LARP1B: variants seen among roughly 807,000 people sequenced by gnomAD.
The protein encoded by LARP1B is la-related protein 1B.
A neutral mutation model predicts 114.2 loss-of-function variants in LARP1B; 76 were observed. The observed-to-expected ratio is 0.67, with a 90% CI of 0.55 to 0.81. The LOEUF (loss-of-function observed/expected upper bound fraction) is 0.81. Among genes scored for constraint, LARP1B ranks in the 30% least tolerant of loss-of-function variants. LARP1B has a pLI of 0.00. For synonymous variants in LARP1B, 345 were observed against 348.0 expected (o/e 0.99, Z 0.10); for missense variants, 1,014 against 1,075.8 (o/e 0.94, Z 0.80).
intron 11 of LARP1B, among the ~76,000 whole-genome samples, chr4:128,149,443 T>C (rs1044103433): frequency 2.6e-5 from 4 of 152,138 alleles, no homozygotes; most frequent in Non-Finnish European, 5.9e-5. Flanking sequence ...CCACTTATAG[T>C]AATCCAAGGG....
chr4:128,100,962 C>CAT lies in LARP1B; in HGVS notation c.813+2632_813+2633insAT, dbSNP rs1326684456. On this transcript the variant is annotated intron_variant, in intron 8 of 19. Coordinates refer to ENST00000326639, the MANE Select transcript of LARP1B (RefSeq NM_018078.4). ...CCTCCCGAGTAGCTGGGATTACAGG[C>CAT]GCCTGCCACCATGCCTGGCTAATTT... 6.0e-5 allele frequency among the ~76,000 whole-genome samples: 9 copies of CAT among 150,736 alleles called. No individual in the cohort carries two copies. The East Asian group carries it at 1.8e-3, about 30-fold the overall frequency.
At chr4:128,221,600 C>T (rs1578861054) in intron 7 of LARP1B, among the ~76,000 whole-genome samples, 2 of 152,214 alleles carry the variant, frequency 1.3e-5, no homozygotes, top group Non-Finnish European at 2.9e-5. Flanking sequence ...AAATTGAGTA[C>T]CTTTCTCCAT....
At chr4:128,089,358 C>G (rs1187539568) in intron 5 of LARP1B, among the ~76,000 whole-genome samples, 1 of 152,154 alleles carries the variant, frequency 6.6e-6, no homozygotes, top group Non-Finnish European at 1.5e-5. Flanking sequence ...TTTTTTGAGA[C>G]AGAATCTCAC....
At chr4:128,155,832 G>C (rs1735332573) in intron 11 of LARP1B, 3 of 1,579,314 alleles carry the variant, frequency 1.9e-6, no homozygotes, top group Admixed American at 1.7e-5. Flanking sequence ...CAGGGCTGCA[G>C]CGAGAGATCG....
In LARP1B at chr4:128,122,090, A is replaced by C; in HGVS notation, c.1426A>C (p.Ile476Leu). 6.2e-7 allele frequency: 1 copy of C among 1,614,158 alleles called. No individual in the cohort carries two copies. Among genetic ancestry groups the C allele is most frequent in the Non-Finnish European group, 8.5e-7 (1 of 1,180,006 alleles). Residue 476 changes from isoleucine (I) to leucine (L), a missense_variant, in exon 11 of 20, where the codon ATC (isoleucine) becomes CTC (leucine). Ile to Leu is a conservative substitution (Grantham distance 5). Coordinates refer to ENST00000326639, the MANE Select transcript of LARP1B (RefSeq NM_018078.4). ...AGGCACCCACATGTCTCGGGCAAAAATCACATCTGAACTTGCTAAAGTTAT... is the reference window on the plus strand; with the variant it reads ...AGGCACCCACATGTCTCGGGCAAAACTCACATCTGAACTTGCTAAAGTTAT... ...RTGTHMSRAK[I>L]TSELAKVIND...
chr4:128,186,307 A>G (rs767877453), intron 15 of LARP1B, among the ~76,000 whole-genome samples: 1 of 152,128 alleles, frequency 6.6e-6, no homozygotes, highest in African/African-American at 2.4e-5. Flanking sequence ...AGCATGTGCT[A>G]TCATTCCCTT....
intron 11 of LARP1B, among the ~76,000 whole-genome samples, chr4:128,148,703 C>T (rs911407946): frequency 3.9e-5 from 6 of 151,994 alleles, no homozygotes; most frequent in Admixed American, 2.0e-4. Flanking sequence ...GGTCTTGGCT[C>T]ATTGCAACCT....
Position 128,122,045 on chromosome 4 carries a change from C to T in LARP1B, c.1381C>T (p.His461Tyr), listed in dbSNP as rs1201135135. The T allele has an allele frequency of 1.2e-6, 2 of 1,613,924 alleles. No individual in the cohort carries two copies. The highest frequency in any genetic ancestry group is 1.7e-6 in the Non-Finnish European group (2 of 1,179,936). The change falls in exon 11 of 20, where the codon CAT becomes TAT. Residue 461 changes from histidine (H) to tyrosine (Y), a missense_variant. Coordinates refer to ENST00000326639, the MANE Select transcript of LARP1B (RefSeq NM_018078.4). ...TCAGACACCACCTTATGTGAAAAAACATCCTGGAGGAGATCGAACAGGCAC... is the reference window on the plus strand; with the variant it reads ...TCAGACACCACCTTATGTGAAAAAATATCCTGGAGGAGATCGAACAGGCAC... ...VTQTPPYVKK[H>Y]PGGDRTGTHM...
chr4:128,198,553 A>G (rs1754998044), intron 15 of LARP1B, among the ~76,000 whole-genome samples: 2 of 152,252 alleles, frequency 1.3e-5, no homozygotes, highest in African/African-American at 4.8e-5. Context: ...CACTGCCTCA[A>G]TTCACATCAG....
chr4:128,149,116 AT>A, intron 11 of LARP1B, among the ~76,000 whole-genome samples: 1 of 152,182 alleles, frequency 6.6e-6, no homozygotes, highest in Non-Finnish European at 1.5e-5. Context: ...TTAGGATTTG[AT>A]TACATCAATG....
Position 128,175,736 on chromosome 4 carries a change from C to T in LARP1B, c.1649-1136C>T, listed in dbSNP as rs1296090053. Among the ~76,000 whole-genome samples the T allele has an allele frequency of 5.3e-5, 8 of 152,134 alleles. No individual in the cohort carries two copies. In the South Asian group the frequency reaches 8.3e-4, roughly 16 times the overall value. Reference sequence around the variant, plus strand: ...ATTCAATGTGTTTATTAATCCATTTCGGTCGTTGTTTTCAGTGGTCAAATT... The same window carrying T: ...ATTCAATGTGTTTATTAATCCATTTTGGTCGTTGTTTTCAGTGGTCAAATT... On this transcript the variant is annotated intron_variant, in intron 12 of 19. Transcript: ENST00000326639.
chr4:128,163,288 C>T (rs375589855), intron 12 of LARP1B, among the ~76,000 whole-genome samples: 4 of 152,018 alleles, frequency 2.6e-5, no homozygotes, highest in East Asian at 3.8e-4. Context: ...TTCATTTAAC[C>T]TGTTTTCTAG....
chr4:128,206,793 G>C, intron 18 of LARP1B: 2 of 985,386 alleles, frequency 2.0e-6, no homozygotes, highest in Non-Finnish European at 2.4e-6. Flanking sequence ...GACAAACGTG[G>C]CTACTCACTG....
rs530274694 is a variant in LARP1B at position 128,097,305 on chromosome 4, G to T, written c.669-881G>T. ...CCTGTGTGTTCACTAAGTTTTTTTT[G>T]TTTTGTTTTGTTTTTTTTTGAGATG... is the stretch of plus-strand genomic sequence containing the variant. On this transcript the variant is annotated intron_variant, in intron 7 of 19. Coordinates refer to ENST00000326639, the MANE Select transcript of LARP1B (RefSeq NM_018078.4). Among the ~76,000 whole-genome samples the T allele has an allele frequency of 6.1e-4, 92 of 151,790 alleles. 1 individual carries two copies. The South Asian group carries it at 0.016, about 27-fold the overall frequency.
In LARP1B at chr4:128,082,154, T is replaced by C; in HGVS notation, c.218-11T>C. On this transcript the variant is annotated splice_polypyrimidine_tract_variant and intron_variant, in intron 4 of 19. Transcript: ENST00000326639. Reference sequence around the variant, plus strand: ...GTACATTTGTCCTTAAATGATTTTGTTTTCTTCAAGCTAATAAGCACAAGT... The same window carrying C: ...GTACATTTGTCCTTAAATGATTTTGCTTTCTTCAAGCTAATAAGCACAAGT... 1 of 1,606,602 alleles carries C rather than the reference T, an allele frequency of 6.2e-7. No individual in the cohort carries two copies. Among genetic ancestry groups the C allele is most frequent in the Non-Finnish European group, 8.5e-7 (1 of 1,178,214 alleles).
rs1408199654 is a variant in LARP1B, at chr4:128,179,387, T to C, written c.1897-19T>C. The C allele has an allele frequency of 9.2e-6, 14 of 1,524,252 alleles. No homozygotes were observed. The highest frequency in any genetic ancestry group is 1.3e-5 in the Non-Finnish European group (14 of 1,113,822). 94.4% of individuals were successfully genotyped at this position (1,524,252 alleles called of 1,614,324 possible). A position where few individuals can be genotyped will look rare whatever the true frequency, so the allele number is the denominator to read the frequency against. On this transcript the variant is annotated intron_variant, in intron 14 of 19. Coordinates refer to ENST00000326639, the MANE Select transcript of LARP1B (RefSeq NM_018078.4). Reference sequence around the variant, plus strand: ...ACACTATTGAAACTAATTGCAATGCTTGACTTTATTTTCTTTAGAGTCCAA... The same window carrying C: ...ACACTATTGAAACTAATTGCAATGCCTGACTTTATTTTCTTTAGAGTCCAA...
At chr4:128,067,710 CTT>C (rs66709998) in intron 1 of LARP1B, among the ~76,000 whole-genome samples, 48 of 145,098 alleles carry the variant, frequency 3.3e-4, no homozygotes, top group Middle Eastern at 3.6e-3. Flanking sequence ...TGGATACCTC[CTT>C]TTTTTTTTTT....
chr4:128,214,440 A>T (rs1302286221), downstream of LARP1B, among the ~76,000 whole-genome samples: 1 of 150,486 alleles, frequency 6.6e-6, no homozygotes, highest in Non-Finnish European at 1.5e-5. Flanking sequence ...TTCTCCCAGC[A>T]CGCAGCTGGA....
At chr4:128,197,558 G>A (rs532618998) in intron 15 of LARP1B, among the ~76,000 whole-genome samples, 14 of 152,158 alleles carry the variant, frequency 9.2e-5, no homozygotes, top group African/African-American at 3.4e-4. Context: ...GTTGGGTGTG[G>A]TGGCAGGTGC....
Sources: allele counts gnomAD v4.1 joint callset (sites outside exome capture counted in the v4.1 genomes callset), GRCh38; gene constraint gnomAD v4.1.1; transcripts MANE v1.5; gene names NCBI Gene and HGNC (gene_info 2026-07-23, HGNC 2026-07-21).